The following COA1 variants were observed in gnomAD, a reference collection of about 807,000 sequenced individuals.
COA1 encodes the protein cytochrome c oxidase assembly factor 1 homolog.
Under a neutral mutation model 16.0 loss-of-function variants are expected in COA1, and 13 were observed. That is an observed-to-expected ratio of 0.81 (90% CI 0.53 to 1.29). COA1 has a LOEUF of 1.29. Among genes scored for constraint, COA1 ranks in the 50% most tolerant of loss-of-function variants. The pLI is 0.00. For synonymous variants in COA1, 65 were observed against 65.7 expected, an observed-to-expected ratio of 0.99 and a Z score of 0.05; for missense variants, 179 against 177.0, an observed-to-expected ratio of 1.01 and a Z score of -0.06.
chr7:43,649,096 A>C (rs1378856067), intron 1 of COA1: 2 of 156,436 alleles, frequency 1.3e-5, no homozygotes, highest in Admixed American at 1.3e-4. Context: ...GGACTTTAAC[A>C]ATATTGATAA....
At chr7:43,668,372 A>G (rs1303688201) in intron 1 of COA1, among the ~76,000 whole-genome samples, 1 of 152,194 alleles carries the variant, frequency 6.6e-6, no homozygotes, top group Non-Finnish European at 1.5e-5. Flanking sequence ...CATCAAAGCC[A>G]ATCCAAAAGG....
intron 3 of COA1, chr7:43,646,045 G>A (rs1166404568): frequency 2.6e-5 from 4 of 153,794 alleles, no homozygotes; most frequent in Admixed American, 2.6e-4. Context: ...CCCTGAAGCT[G>A]TAAGTTCTAA....
At chr7:43,722,840 G>A (rs894939291) in intron 1 of COA1, among the ~76,000 whole-genome samples, 3 of 152,124 alleles carry the variant, frequency 2.0e-5, no homozygotes, top group Non-Finnish European at 2.9e-5. Flanking sequence ...AAAGTTCCAC[G>A]AGATCTGGAA....
intron 1 of COA1, among the ~76,000 whole-genome samples, chr7:43,708,665 G>C (rs1361769442): frequency 6.6e-6 from 1 of 152,106 alleles, no homozygotes; most frequent in African/African-American, 2.4e-5. Context: ...TGAAGTGCCT[G>C]TTCAAGTCTC....
At chr7:43,697,624 A>T (rs1182316650) in intron 1 of COA1, among the ~76,000 whole-genome samples, 2 of 152,204 alleles carry the variant, frequency 1.3e-5, no homozygotes, top group East Asian at 3.8e-4. Flanking sequence ...AACTTCATAA[A>T]TGACAATTGC....
intron 1 of COA1, among the ~76,000 whole-genome samples, chr7:43,664,127 G>GAGAGAGAGAGAGAGAT (rs1231238244): frequency 2.0e-5 from 3 of 150,670 alleles, no homozygotes; most frequent in African/African-American, 7.4e-5. Flanking sequence ...GAGAGAGAGA[G>GAGAGAGAGAGAGAGAT]AGAGTCTTGC....
chr7:43,679,119 T>G lies in COA1; in HGVS notation c.-38-30467A>C, dbSNP rs557471915. ...CATGGTGAAACCCCATACAAAAAAT[T>G]AGCTGGGCATGGTGGCGTGCGCCTG... On this transcript the variant is annotated intron_variant, in intron 1 of 5. Coordinates refer to ENST00000223336, the MANE Select transcript of COA1 (RefSeq NM_018224.4). Among the ~76,000 whole-genome samples, 8 of 152,054 alleles carry G rather than the reference T, an allele frequency of 5.3e-5. No individual in the cohort carries two copies. The East Asian group carries it at 1.4e-3, about 26-fold the overall frequency.
chr7:43,627,841 GT>G (rs1488156914), intron 6 of COA1, among the ~76,000 whole-genome samples: 1 of 152,172 alleles, frequency 6.6e-6, no homozygotes, highest in African/African-American at 2.4e-5. Context: ...CTCCTGTTCT[GT>G]TGCACTGGTT....
At chr7:43,688,828 A>G (rs770231842) in intron 1 of COA1, among the ~76,000 whole-genome samples, 53 of 152,348 alleles carry the variant, frequency 3.5e-4, no homozygotes, top group Admixed American at 1.2e-3. Context: ...AGTCCTTTCA[A>G]TAATACTTTC....
chr7:43,676,242 G>T (rs1470271870), intron 1 of COA1, among the ~76,000 whole-genome samples: 1 of 152,016 alleles, frequency 6.6e-6, no homozygotes, highest in East Asian at 1.9e-4. Context: ...TTAAATAGAA[G>T]ACCTAAGCCT....
intron 6 of COA1, chr7:43,632,009 T>G (rs1296722264): frequency 6.6e-6 from 1 of 152,226 alleles, no homozygotes; most frequent in Non-Finnish European, 1.5e-5. Context: ...AAGACAACAG[T>G]GAAGTTTGCT....
intron 1 of COA1, among the ~76,000 whole-genome samples, chr7:43,701,687 G>T (rs141276704): frequency 1.5e-3 from 224 of 152,270 alleles, no homozygotes; most frequent in African/African-American, 5.1e-3. Flanking sequence ...CATAATGGTT[G>T]AACAAATTTA....
chr7:43,643,376 G>C (rs2087715946), intron 4 of COA1, among the ~76,000 whole-genome samples: 1 of 152,318 alleles, frequency 6.6e-6, no homozygotes, highest in Admixed American at 6.5e-5. Flanking sequence ...CTACCCAGTG[G>C]CTTTTCCAAG....
intron 1 of COA1, among the ~76,000 whole-genome samples, chr7:43,715,006 T>TAAA (rs755827781): frequency 1.3e-4 from 12 of 95,774 alleles, no homozygotes; most frequent in African/African-American, 2.1e-4. Flanking sequence ...GCCTCTTGTC[T>TAAA]AAAAAAAAAA....
intron 6 of COA1, among the ~76,000 whole-genome samples, chr7:43,615,336 T>A (rs1405446200): frequency 1.3e-5 from 2 of 151,876 alleles, no homozygotes; most frequent in Non-Finnish European, 2.9e-5. Context: ...CCACCATGCC[T>A]GGCTAATTTT....
chr7:43,610,346 C>CAAAAA (rs138859141), intron 6 of COA1, among the ~76,000 whole-genome samples: 6 of 41,320 alleles, frequency 1.5e-4, no homozygotes, highest in African/African-American at 2.2e-4. Context: ...GACTCCGTCT[C>CAAAAA]AAAAAAAAAA....
chr7:43,615,446 G>T (rs2083258535), intron 6 of COA1, among the ~76,000 whole-genome samples: 1 of 152,112 alleles, frequency 6.6e-6, no homozygotes, highest in Non-Finnish European at 1.5e-5. Context: ...CAAATTGCTG[G>T]AATTACAGAT....
At chr7:43,619,524 G>T in intron 6 of COA1, 1 of 1,538,636 alleles carries the variant, frequency 6.5e-7, no homozygotes, top group South Asian at 1.2e-5. Flanking sequence ...GGTGAAATAT[G>T]TTTTATGGGC....
At chr7:43,664,858 T>C (rs1265614604) in intron 1 of COA1, among the ~76,000 whole-genome samples, 2 of 152,246 alleles carry the variant, frequency 1.3e-5, no homozygotes, top group Non-Finnish European at 2.9e-5. Flanking sequence ...ACAGAGCTCC[T>C]GTCAGTTTAA....
Sources: allele counts gnomAD v4.1 joint callset (sites outside exome capture counted in the v4.1 genomes callset), GRCh38; gene constraint gnomAD v4.1.1; transcripts MANE v1.5; gene names NCBI Gene and HGNC (gene_info 2026-07-23, HGNC 2026-07-21).